HPCAL1: variants seen among roughly 807,000 people sequenced by gnomAD.
HPCAL1 encodes the protein hippocalcin like 1.
In HPCAL1, 8 loss-of-function variants were observed where a neutral mutation model predicts 17.1. The ratio of observed to expected loss-of-function variants is 0.47; its 90% CI spans 0.27 to 0.84. The LOEUF (loss-of-function observed/expected upper bound fraction) is 0.84, where lower values mean the gene tolerates loss of function less well. Ranked by LOEUF, HPCAL1 falls within the 40% of genes least tolerant of loss-of-function variation. The pLI is 0.13. For synonymous variants in HPCAL1, 112 were observed against 111.4 expected, an observed-to-expected ratio of 1.01 and a Z score of -0.03; for missense variants, 165 against 271.1, an observed-to-expected ratio of 0.61 and a Z score of 2.75.
rs1365431100 is a variant in HPCAL1, at chr2:10,365,905, A to G, written c.-110-30930A>G. ...CCACACCGCATGTCCTCGGCCTCCC[A>G]TTGAGATCAGCTATACGTGATATAG... is the stretch of plus-strand genomic sequence containing the variant. On this transcript the variant is annotated intron_variant, in intron 1 of 4. Coordinates refer to ENST00000307845, the MANE Select transcript of HPCAL1 (RefSeq NM_002149.4). This position sits in a 1 kb window ranked among gnomAD's most constrained non-coding sequence, Gnocchi z 4.8. Among the ~76,000 whole-genome samples, 4 of 152,128 alleles carry G rather than the reference A, an allele frequency of 2.6e-5. No homozygotes were observed. Among genetic ancestry groups the G allele is most frequent in the African/African-American group, 7.2e-5 (3 of 41,420 alleles).
intron 1 of HPCAL1, among the ~76,000 whole-genome samples, chr2:10,314,631 A>G (rs1431464857): frequency 6.6e-6 from 1 of 152,176 alleles, no homozygotes; most frequent in Non-Finnish European, 1.5e-5. Flanking sequence ...TCCTCATTAT[A>G]ATGATGTCTT....
intron 1 of HPCAL1, among the ~76,000 whole-genome samples, chr2:10,382,593 T>TA (rs70948887): frequency 0.28 from 35,575 of 127,754 alleles, 5,878 homozygotes; most frequent in East Asian, 0.48. Flanking sequence ...GTTCATTAAT[T>TA]AAAAAAAAAA....
At chr2:10,418,991 C>T (rs1415929694) in intron 2 of HPCAL1, among the ~76,000 whole-genome samples, 1 of 152,160 alleles carries the variant, frequency 6.6e-6, no homozygotes, top group East Asian at 1.9e-4. Flanking sequence ...AGGTGGATCA[C>T]CTGAGGTCTG....
At chr2:10,413,494 G>A (rs1421103512) in intron 2 of HPCAL1, among the ~76,000 whole-genome samples, 3 of 152,254 alleles carry the variant, frequency 2.0e-5, no homozygotes, top group African/African-American at 7.2e-5. Flanking sequence ...GGGAGAGGGT[G>A]AAGGGTAGGA....
chr2:10,419,915 C>A lies in HPCAL1; in HGVS notation c.158C>A (p.Ala53Asp). The A allele has an allele frequency of 6.2e-7, 1 of 1,613,916 alleles. No individual in the cohort carries two copies. The highest frequency in any genetic ancestry group is 2.2e-5 in the East Asian group (1 of 44,882). Residue 53 changes from alanine (A) to aspartate (D), a missense_variant, in exon 3 of 5, where the codon GCC becomes GAC. Transcript: ENST00000307845. The surrounding 1 kb of genome is among the most constrained non-coding windows in gnomAD (Gnocchi z 5.0). ...LTVDEFKKIY[A>D]NFFPYGDASK... The stretch of plus-strand genomic sequence containing the variant: ...GTGGACGAGTTCAAGAAGATCTACG[C>A]CAACTTCTTCCCCTACGGCGACGCT...
intron 1 of HPCAL1, among the ~76,000 whole-genome samples, chr2:10,376,897 C>T (rs1667602026): frequency 7.5e-6 from 1 of 134,156 alleles, no homozygotes; most frequent in Non-Finnish European, 1.6e-5. Context: ...TAGTACAATA[C>T]ATAGCGTATT....
rs1048687096 is a variant in HPCAL1, at chr2:10,330,459, G to C, written c.-111+27282G>C. Among the ~76,000 whole-genome samples the C allele has an allele frequency of 4.5e-4, 67 of 150,302 alleles. No homozygotes were observed. Among genetic ancestry groups the C allele is most frequent in the African/African-American group, 1.6e-3 (64 of 40,734 alleles). The stretch of plus-strand genomic sequence containing the variant: ...CTGGAAACGGGGTCATAGTCTGGGT[G>C]CCTTAAACAACAGGAATTCTTTTTT... On this transcript the variant is annotated intron_variant, in intron 1 of 4. Coordinates refer to ENST00000307845, the MANE Select transcript of HPCAL1 (RefSeq NM_002149.4). The surrounding 1 kb of genome is among the most constrained non-coding windows in gnomAD (Gnocchi z 4.2).
chr2:10,360,796 G>C (rs1666473712), intron 1 of HPCAL1, among the ~76,000 whole-genome samples: 1 of 151,984 alleles, frequency 6.6e-6, no homozygotes, highest in African/African-American at 2.4e-5. Context: ...CAGCCCTGTA[G>C]CCATTCCAGC....
intron 1 of HPCAL1, among the ~76,000 whole-genome samples, chr2:10,333,747 C>A (rs1456320437): frequency 6.6e-6 from 1 of 152,150 alleles, no homozygotes; most frequent in Non-Finnish European, 1.5e-5. Context: ...CCCTGCCCAC[C>A]TCCATATAAC....
rs140797104 is a variant in HPCAL1, at chr2:10,419,952, C to T, written c.195C>T (p.Ala65=). 1.2e-5 allele frequency: 20 copies of T among 1,613,844 alleles called. No individual in the cohort carries two copies. The African/African-American group carries it at 2.0e-4, about 16-fold the overall frequency. Residue 65 remains alanine (A), a synonymous_variant, in exon 3 of 5, where the codon GCC becomes GCT. Transcript: ENST00000307845. The surrounding 1 kb of genome is among the most constrained non-coding windows in gnomAD (Gnocchi z 5.0). ...FFPYGDASKF[A]EHVFRTFDTN... The stretch of plus-strand genomic sequence containing the variant: ...CCTACGGCGACGCTTCCAAGTTCGC[C>T]GAGCACGTCTTCCGCACCTTCGACA...
At chr2:10,422,429 C>T (rs1350609694) in intron 3 of HPCAL1, among the ~76,000 whole-genome samples, 1 of 152,180 alleles carries the variant, frequency 6.6e-6, no homozygotes, top group African/African-American at 2.4e-5. Flanking sequence ...CCAGGCTGGG[C>T]CACTCAGGCA....
chr2:10,399,493 C>T (rs1051668174), intron 2 of HPCAL1, among the ~76,000 whole-genome samples: 1 of 111,484 alleles, frequency 9.0e-6, no homozygotes, highest in African/African-American at 3.6e-5. Context: ...ATCACCGCCA[C>T]CATCACCATC....
chr2:10,328,624 G>A (rs1447141894), intron 1 of HPCAL1, among the ~76,000 whole-genome samples: 2 of 152,176 alleles, frequency 1.3e-5, no homozygotes, highest in Non-Finnish European at 2.9e-5. Context: ...CGGTTCTCAG[G>A]CCTCTGGGCT....
chr2:10,387,920 T>C (rs1261441592), intron 1 of HPCAL1, among the ~76,000 whole-genome samples: 1 of 152,208 alleles, frequency 6.6e-6, no homozygotes, highest in Non-Finnish European at 1.5e-5. Flanking sequence ...GTTGAACATT[T>C]TTCTTGCCAC....
At chr2:10,404,354 C>T (rs1362391126) in intron 2 of HPCAL1, among the ~76,000 whole-genome samples, 2 of 152,206 alleles carry the variant, frequency 1.3e-5, no homozygotes, top group East Asian at 1.9e-4. Flanking sequence ...CCCCTCACCC[C>T]GTCTTTGCTG....
rs1670870816 is a variant in HPCAL1 at position 10,419,149 on chromosome 2, T to G, written c.-24-585T>G. Among the ~76,000 whole-genome samples the G allele has an allele frequency of 6.6e-6, 1 of 152,136 alleles. No homozygotes were observed. Among genetic ancestry groups the G allele is most frequent in the Non-Finnish European group, 1.5e-5 (1 of 68,022 alleles). On this transcript the variant is annotated intron_variant, in intron 2 of 4. Coordinates refer to ENST00000307845, the MANE Select transcript of HPCAL1 (RefSeq NM_002149.4). The surrounding 1 kb of genome is among the most constrained non-coding windows in gnomAD (Gnocchi z 5.0). ...TTGCTTGAACCTGGGAGGCGGAGGT[T>G]ACAGTGAGCTGTGATCCTGCTACTG...
chr2:10,312,522 A>T (rs1313365185), intron 1 of HPCAL1, among the ~76,000 whole-genome samples: 1 of 150,056 alleles, frequency 6.7e-6, no homozygotes, highest in Non-Finnish European at 1.5e-5. Context: ...TGTCATTATC[A>T]CCATCATCAT....
chr2:10,339,368 C>T (rs959848486), intron 1 of HPCAL1, among the ~76,000 whole-genome samples: 13 of 148,958 alleles, frequency 8.7e-5, no homozygotes, highest in South Asian at 2.2e-4. Flanking sequence ...TGCAGTGGTG[C>T]GATCTCGGCT....
intron 4 of HPCAL1, chr2:10,426,447 A>G: frequency 2.4e-6 from 1 of 413,428 alleles, no homozygotes; most frequent in Non-Finnish European, 4.5e-6. Context: ...GGTGATTTCT[A>G]AAAGGATTTA....
Sources: gnomAD v4.1 joint callset for allele counts (sites outside exome capture counted in the v4.1 genomes callset) on GRCh38, gnomAD v4.1.1 for gene constraint, Gnocchi (gnomAD v3.1) non-coding constraint, MANE v1.5 for transcripts, NCBI Gene and HGNC (gene_info 2026-07-23, HGNC 2026-07-21) for gene names.